Variants in KIZ observed in about 807,000 individuals in gnomAD.
KIZ encodes centrosomal protein kizuna.
In KIZ, 68 loss-of-function variants were observed where a neutral mutation model predicts 79.6. The observed-to-expected ratio is 0.85, with a 90% CI of 0.70 to 1.05. KIZ has a LOEUF of 1.05. Ranked by LOEUF, KIZ falls within the 50% of genes least tolerant of loss-of-function variation. The probability of loss-of-function intolerance (pLI) is 0.00; values close to 1 mark genes in which losing one functional copy is unlikely to be tolerated. For missense variants in KIZ, 797 were observed against 800.4 expected (o/e 1.00, Z 0.05); for synonymous variants, 280 against 281.8 (o/e 0.99, Z 0.06).
At chr20:21,185,928 G>A (rs2034859551) in intron 6 of KIZ, among the ~76,000 whole-genome samples, 1 of 151,926 alleles carries the variant, frequency 6.6e-6, no homozygotes, top group Admixed American at 6.6e-5. Context: ...TGAATTTTGA[G>A]AACCGTCTCA....
intron 11 of KIZ, among the ~76,000 whole-genome samples, chr20:21,243,871 C>T (rs2037302657): frequency 6.6e-6 from 1 of 152,220 alleles, no homozygotes; most frequent in African/African-American, 2.4e-5. Context: ...CCTGAAAGCA[C>T]TGAAGTTTGA....
At chr20:21,128,107 G>C (rs967913327) in intron 1 of KIZ, among the ~76,000 whole-genome samples, 2 of 152,152 alleles carry the variant, frequency 1.3e-5, no homozygotes, top group Admixed American at 1.3e-4. Flanking sequence ...CCACCTCCCA[G>C]GTTCAAGCGA....
intron 6 of KIZ, among the ~76,000 whole-genome samples, chr20:21,169,249 C>T (rs2053946389): frequency 6.6e-6 from 1 of 151,888 alleles, no homozygotes; most frequent in Non-Finnish European, 1.5e-5. Context: ...AAAAAAAACC[C>T]CATCAAAAAG....
At chr20:21,185,657 C>A (rs536026544) in intron 6 of KIZ, among the ~76,000 whole-genome samples, 2 of 151,730 alleles carry the variant, frequency 1.3e-5, no homozygotes, top group South Asian at 4.2e-4. Flanking sequence ...GTGATCCACC[C>A]ACCTTAGCCT....
intron 3 of KIZ, among the ~76,000 whole-genome samples, chr20:21,142,038 C>A (rs574108647): frequency 1.2e-4 from 18 of 151,642 alleles, no homozygotes; most frequent in Middle Eastern, 3.4e-3. Context: ...AACTCTTCCA[C>A]CCCCATATCT....
chr20:21,234,807 A>G (rs982223312), intron 11 of KIZ, among the ~76,000 whole-genome samples: 2 of 149,616 alleles, frequency 1.3e-5, no homozygotes, highest in Non-Finnish European at 3.0e-5. Context: ...GCTTCCTCTG[A>G]TGTCCTAGAG....
chr20:21,230,336 G>A (rs767701004), intron 10 of KIZ, among the ~76,000 whole-genome samples: 4 of 152,316 alleles, frequency 2.6e-5, no homozygotes, highest in Admixed American at 6.5e-5. Context: ...TTAGCCACAC[G>A]TGTTAGCATC....
At chr20:21,165,246 A>G (rs1254873294) in intron 6 of KIZ, among the ~76,000 whole-genome samples, 1 of 152,212 alleles carries the variant, frequency 6.6e-6, no homozygotes, top group Non-Finnish European at 1.5e-5. Context: ...CAGAATGTAA[A>G]ATCTGCGCAA....
chr20:21,153,049 G>A (rs2122582590), intron 4 of KIZ, among the ~76,000 whole-genome samples: 1 of 152,314 alleles, frequency 6.6e-6, no homozygotes, highest in Non-Finnish European at 1.5e-5. Flanking sequence ...TGGAGTCCTG[G>A]TATCTGAGTT....
At chr20:21,175,106 G>A (rs2034377291) in intron 6 of KIZ, among the ~76,000 whole-genome samples, 1 of 152,112 alleles carries the variant, frequency 6.6e-6, no homozygotes, top group Admixed American at 6.6e-5. Flanking sequence ...CACAGATTCT[G>A]TCCTTTGTTC....
At chr20:21,187,638 T>C (rs1279105277) in intron 6 of KIZ, among the ~76,000 whole-genome samples, 1 of 152,082 alleles carries the variant, frequency 6.6e-6, no homozygotes, top group Non-Finnish European at 1.5e-5. Context: ...TAAACACACG[T>C]GTATATATGG....
At chr20:21,214,199 T>C (rs2036189979) in intron 7 of KIZ, among the ~76,000 whole-genome samples, 1 of 152,156 alleles carries the variant, frequency 6.6e-6, no homozygotes, top group Admixed American at 6.5e-5. Context: ...CTCTACCTTT[T>C]GTATATATCG....
At chr20:21,155,084 C>T (rs1352068055) in intron 4 of KIZ, among the ~76,000 whole-genome samples, 2 of 152,140 alleles carry the variant, frequency 1.3e-5, no homozygotes, top group Non-Finnish European at 2.9e-5. Flanking sequence ...ATGGTGCAAA[C>T]ACTTTGGAAA....
chr20:21,239,431 C>G (rs373173956), intron 11 of KIZ, among the ~76,000 whole-genome samples: 7 of 152,216 alleles, frequency 4.6e-5, no homozygotes, highest in African/African-American at 1.7e-4. Context: ...CTGGCTCGCT[C>G]TGTGTGTCTT....
intron 3 of KIZ, 48 bp downstream of exon 3, chr20:21,136,600 T>A: frequency 1.1e-5 from 1 of 88,724 alleles, no homozygotes; most frequent in Non-Finnish European, 1.8e-5. Context: ...TTGTTGTGTG[T>A]TTTTTTTTTT....
intron 6 of KIZ, chr20:21,197,198 A>G (rs1266070452): frequency 6.6e-6 from 1 of 152,224 alleles, no homozygotes; most frequent in African/African-American, 2.4e-5. Context: ...GGCTACTGTG[A>G]TACAACGACA....
At position 21,162,062 on chromosome 20, in the gene KIZ, G is replaced by C. The variant is rs768397156; in HGVS notation, c.597G>C (p.Gln199His). Residue 199 changes from glutamine (Q) to histidine (H), a missense_variant, in exon 5 of 13, where the codon CAG becomes CAC. Physicochemically the swap from Gln to His is conservative, Grantham distance 24. Transcript: ENST00000619189. ...CACATTCACACCGACAGACAGCCCA[G>C]AGCAGTAATGTGACAGACAGCTGTG... is the stretch of plus-strand genomic sequence containing the variant. ...PDPHSHRQTA[Q>H]SSNVTDSCVV... The C allele has an allele frequency of 3.7e-6, 6 of 1,613,918 alleles. 1 individual carries two copies. In the South Asian group the frequency reaches 6.6e-5, roughly 18 times the overall value.
At chr20:21,185,512 C>T (rs1366718691) in intron 6 of KIZ, among the ~76,000 whole-genome samples, 3 of 149,260 alleles carry the variant, frequency 2.0e-5, no homozygotes, top group Admixed American at 6.7e-5. Flanking sequence ...TGGGTTCAAG[C>T]GATTCTCCTG....
intron 8 of KIZ, 80 bp from the exon 9 acceptor site, chr20:21,215,503 A>G: frequency 1.3e-6 from 1 of 741,134 alleles, no homozygotes. Context: ...AAAAGTGAAC[A>G]TAAAGGGAAG....
Sources: allele counts gnomAD v4.1 joint callset (sites outside exome capture counted in the v4.1 genomes callset), GRCh38; gene constraint gnomAD v4.1.1; transcripts MANE v1.5; gene names NCBI Gene and HGNC (gene_info 2026-07-23, HGNC 2026-07-21).